The following FAM168A variants were observed in gnomAD, a reference collection of about 807,000 sequenced individuals.
FAM168A encodes the protein protein FAM168A.
FAM168A carries 3 observed loss-of-function variants against 28.5 expected under a neutral mutation model. The ratio of observed to expected loss-of-function variants is 0.11; its 90% CI spans 0.05 to 0.27. The LOEUF is 0.27. FAM168A is among the 10% of genes least tolerant of loss of function. The pLI, the probability that FAM168A is intolerant of heterozygous loss-of-function variation, is 1.00. For synonymous variants in FAM168A, 122 were observed against 124.2 expected (o/e 0.98, Z 0.12); for missense variants, 222 against 311.5 (o/e 0.71, Z 2.16).
chr11:73,500,199 G>C (rs1469974750), intron 1 of FAM168A, among the ~76,000 whole-genome samples: 2 of 151,268 alleles, frequency 1.3e-5, no homozygotes, highest in Admixed American at 6.6e-5. Context: ...CAAGCCAGAA[G>C]AGATTGGGGG....
chr11:73,518,080 A>G (rs1017085519), intron 1 of FAM168A, among the ~76,000 whole-genome samples: 1 of 152,244 alleles, frequency 6.6e-6, no homozygotes, highest in Non-Finnish European at 1.5e-5. Flanking sequence ...ATTTTTAAAC[A>G]GGTTTTCTTT....
chr11:73,582,067 C>T (rs17244616), intron 1 of FAM168A, among the ~76,000 whole-genome samples: 11,763 of 152,148 alleles, frequency 0.077, 551 homozygotes, highest in Non-Finnish European at 0.11. Context: ...TCCTTGAAGA[C>T]AGCAACTACA....
At chr11:73,589,564 G>A (rs56193465) in intron 1 of FAM168A, among the ~76,000 whole-genome samples, 10,407 of 150,864 alleles carry the variant, frequency 0.069, 1,053 homozygotes, top group African/African-American at 0.22. Context: ...AAGCAAAAAA[G>A]TCCTCACATT....
chr11:73,584,883 CGAGCACTCTGGG>C (rs144939449), intron 1 of FAM168A, among the ~76,000 whole-genome samples: 11,018 of 151,980 alleles, frequency 0.072, 1,192 homozygotes, highest in African/African-American at 0.23. Context: ...TGATAGAGTC[CGAGCACTCTGGG>C]AAACCAAGGC....
At chr11:73,518,145 T>C (rs954519431) in intron 1 of FAM168A, among the ~76,000 whole-genome samples, 1 of 152,202 alleles carries the variant, frequency 6.6e-6, no homozygotes, top group Non-Finnish European at 1.5e-5. Context: ...TTTTACACCG[T>C]AGTGGTGACT....
chr11:73,463,819 A>G (rs186188650), intron 2 of FAM168A, among the ~76,000 whole-genome samples: 17 of 152,356 alleles, frequency 1.1e-4, no homozygotes, highest in African/African-American at 3.8e-4. Flanking sequence ...TCAAATTAGG[A>G]TAAAGGCTAA....
chr11:73,520,471 T>A (rs1182458336), intron 1 of FAM168A, among the ~76,000 whole-genome samples: 4 of 152,196 alleles, frequency 2.6e-5, no homozygotes, highest in African/African-American at 9.6e-5. Context: ...AAGCACATTA[T>A]GCAAAAATGG....
intron 2 of FAM168A, among the ~76,000 whole-genome samples, chr11:73,461,945 AAGAG>A (rs745404619): frequency 6.6e-6 from 1 of 151,588 alleles, no homozygotes; most frequent in African/African-American, 2.4e-5. Flanking sequence ...CTATTATTTA[AAGAG>A]AGAGAGAGAG....
intron 1 of FAM168A, among the ~76,000 whole-genome samples, chr11:73,595,444 A>C (rs142195831): frequency 1.6e-3 from 240 of 152,372 alleles, no homozygotes; most frequent in African/African-American, 5.6e-3. Context: ...AAGCTTGAAC[A>C]AAAATAAAAA....
intron 2 of FAM168A, among the ~76,000 whole-genome samples, chr11:73,454,800 T>C (rs1400180908): frequency 1.3e-5 from 2 of 152,168 alleles, no homozygotes; most frequent in Admixed American, 1.3e-4. Flanking sequence ...ACAGCTGGAC[T>C]TCAGGGGAAG....
intron 2 of FAM168A, among the ~76,000 whole-genome samples, chr11:73,436,925 C>T (rs1867096712): frequency 6.6e-6 from 1 of 152,118 alleles, no homozygotes; most frequent in Non-Finnish European, 1.5e-5. Flanking sequence ...AATAAAACAA[C>T]AACTACTGTT....
intron 4 of FAM168A, among the ~76,000 whole-genome samples, chr11:73,419,184 G>A (rs556023971): frequency 3.3e-5 from 5 of 152,222 alleles, no homozygotes; most frequent in African/African-American, 1.2e-4. Flanking sequence ...TAGATGTGAC[G>A]GTGACAACAT....
At chr11:73,417,676 C>T (rs1320599825) in intron 4 of FAM168A, among the ~76,000 whole-genome samples, 2 of 151,762 alleles carry the variant, frequency 1.3e-5, no homozygotes, top group African/African-American at 2.4e-5. Context: ...TCTCCTGCCT[C>T]AGCCTCCCGA....
chr11:73,428,346 G>C (rs1295064753), intron 3 of FAM168A, among the ~76,000 whole-genome samples: 1 of 152,148 alleles, frequency 6.6e-6, no homozygotes, highest in Admixed American at 6.5e-5. Flanking sequence ...GTGTCCTTTT[G>C]TTTTTCCTTT....
chr11:73,483,876 G>C (rs1868001901), intron 1 of FAM168A, among the ~76,000 whole-genome samples: 1 of 152,218 alleles, frequency 6.6e-6, no homozygotes, highest in Non-Finnish European at 1.5e-5. Context: ...TATTAGCTTA[G>C]AGGTTAGCAG....
intron 1 of FAM168A, among the ~76,000 whole-genome samples, chr11:73,534,402 T>A (rs1161532694): frequency 6.7e-6 from 1 of 150,056 alleles, no homozygotes; most frequent in African/African-American, 2.5e-5. Context: ...TATTTTTATT[T>A]ATTTATTTTT....
At chr11:73,472,540 A>G (rs1312867011) in intron 1 of FAM168A, among the ~76,000 whole-genome samples, 11 of 152,224 alleles carry the variant, frequency 7.2e-5, no homozygotes. Context: ...TGTTTTACAA[A>G]GAAGAGTGAA....
intron 2 of FAM168A, among the ~76,000 whole-genome samples, chr11:73,456,153 A>G (rs1426221048): frequency 6.6e-6 from 1 of 152,224 alleles, no homozygotes; most frequent in Non-Finnish European, 1.5e-5. Flanking sequence ...GGATGCTTCA[A>G]AGATTGGCTT....
chr11:73,513,504 C>T (rs190133337), intron 1 of FAM168A, among the ~76,000 whole-genome samples: 331 of 151,994 alleles, frequency 2.2e-3, no homozygotes, highest in Non-Finnish European at 3.4e-3. Flanking sequence ...GCATGAGCAC[C>T]GCGCCCCACC....
Sources: allele counts gnomAD v4.1 joint callset (sites outside exome capture counted in the v4.1 genomes callset), GRCh38; gene constraint gnomAD v4.1.1; transcripts MANE v1.5; gene names NCBI Gene and HGNC (gene_info 2026-07-23, HGNC 2026-07-21).